The following CR2 variants were observed in gnomAD, a reference collection of about 807,000 sequenced individuals.
CR2 encodes the protein complement receptor type 2.
In CR2, 96 loss-of-function variants were observed where a neutral mutation model predicts 123.0. That is an observed-to-expected ratio of 0.78 (90% CI 0.66 to 0.93). CR2 has a LOEUF of 0.93. Ranked by LOEUF, CR2 falls within the 40% of genes least tolerant of loss-of-function variation. The probability of loss-of-function intolerance (pLI) is 0.00; values close to 1 mark genes in which losing one functional copy is unlikely to be tolerated. For synonymous variants in CR2, 484 were observed against 469.5 expected, an observed-to-expected ratio of 1.03 and a Z score of -0.40; for missense variants, 1,258 against 1,361.0, an observed-to-expected ratio of 0.92 and a Z score of 1.19.
At chr1:207,472,744 A>G (rs779357003) in intron 9 of CR2, 28 bp from the exon 10 acceptor site, 47 of 1,609,846 alleles carry the variant, frequency 2.9e-5, no homozygotes, top group South Asian at 1.3e-4. Flanking sequence ...CAGGAACTCA[A>G]TTCTACAGTA....
chr1:207,484,090 A>T (rs1658681326), intron 18 of CR2, among the ~76,000 whole-genome samples: 1 of 152,238 alleles, frequency 6.6e-6, no homozygotes, highest in Admixed American at 6.5e-5. Flanking sequence ...GGCATTAGAA[A>T]TGTAAATACA....
At chr1:207,459,999 C>A (rs1264145014) in intron 1 of CR2, among the ~76,000 whole-genome samples, 1 of 152,178 alleles carries the variant, frequency 6.6e-6, no homozygotes. Context: ...TCTGCTTTTG[C>A]TATTTCTGGA....
chr1:207,456,783 A>T (rs1254658441), intron 1 of CR2, among the ~76,000 whole-genome samples: 1 of 152,184 alleles, frequency 6.6e-6, no homozygotes. Flanking sequence ...GTCACATTAG[A>T]ATAAAACCCA....
chr1:207,474,999 G>A lies in CR2; in HGVS notation c.2499G>A (p.Gly833=). The part of the protein sequence containing the change: ...SDSKGHGSWS[G]PSPQCLRSPP... ...CTAAAGGACATGGATCTTGGAGCGGGCCTTCCCCACAGTGCTTACGATCTC... is the reference window on the plus strand; with the variant it reads ...CTAAAGGACATGGATCTTGGAGCGGACCTTCCCCACAGTGCTTACGATCTC... Residue 833 remains glycine, a synonymous_variant, in exon 14 of 20, where the codon GGG becomes GGA. Transcript: ENST00000367057. 1.9e-6 allele frequency: 3 copies of A among 1,614,118 alleles called. No homozygotes were observed. The highest frequency in any genetic ancestry group is 2.5e-6 in the Non-Finnish European group (3 of 1,179,982).
intron 6 of CR2, 68 bp from the exon 7 acceptor site, chr1:207,470,672 T>C: frequency 6.8e-7 from 1 of 1,478,960 alleles, no homozygotes; most frequent in Non-Finnish European, 9.4e-7. Flanking sequence ...TATCAATTTC[T>C]TTGGCTCAGT....
At chr1:207,471,540 A>T in intron 9 of CR2, 41 bp downstream of exon 9, 1 of 1,354,896 alleles carries the variant, frequency 7.4e-7, no homozygotes, top group Admixed American at 1.7e-5. Context: ...ATAATGTGAG[A>T]TCTATACATT....
intron 1 of CR2, among the ~76,000 whole-genome samples, chr1:207,455,149 T>C (rs920091198): frequency 2.6e-5 from 4 of 152,278 alleles, no homozygotes; most frequent in African/African-American, 7.2e-5. Flanking sequence ...TATATCTTTT[T>C]TTCCTCCAGA....
chr1:207,478,544 A>G (rs534469731), intron 16 of CR2, among the ~76,000 whole-genome samples: 120 of 145,956 alleles, frequency 8.2e-4, no homozygotes, highest in Non-Finnish European at 1.1e-3. Flanking sequence ...AAAAAAAAAA[A>G]AAAGAAAGAA....
chr1:207,474,648 C>A lies in CR2; in HGVS notation c.2324-176C>A, dbSNP rs3991865. Among the ~76,000 whole-genome samples the A allele has an allele frequency of 0.066, 9,979 of 152,104 alleles. 1,087 individuals are homozygous for A. The highest frequency in any genetic ancestry group is 0.22 in the African/African-American group (9,316 of 41,450). On this transcript the variant is annotated intron_variant, in intron 13 of 19. Coordinates refer to ENST00000367057, the MANE Select transcript of CR2 (RefSeq NM_001006658.3). The stretch of plus-strand genomic sequence containing the variant: ...AATTTTTATGGAGTATATAGTACTC[C>A]TATAATCACATTTAATAAAGCTGTT...
At chr1:207,471,400 G>T in intron 8 of CR2, 23 bp from the exon 9 acceptor site, 2 of 1,572,460 alleles carry the variant, frequency 1.3e-6, no homozygotes, top group South Asian at 2.2e-5. Context: ...ATGGCAAAAT[G>T]ACATACGTGA....
At chr1:207,485,632 A>G in intron 19 of CR2, 60 bp downstream of exon 19, 1 of 978,518 alleles carries the variant, frequency 1.0e-6, no homozygotes, top group Non-Finnish European at 1.6e-6. Flanking sequence ...ACTTGTATTT[A>G]TCAATAAGCG....
At position 207,468,805 on chromosome 1, in the gene CR2, C is replaced by T. The variant is rs201760344; in HGVS notation, c.640C>T (p.Arg214Cys). Reference protein sequence around the residue: ...SAVPPTCEEARCKSLGRFPNG... With the variant: ...SAVPPTCEEACCKSLGRFPNG... The stretch of plus-strand genomic sequence containing the variant: ...ATCTTTGGTTTGTTTTTTAGAGGCA[C>T]GCTGTAAATCTCTAGGACGATTTCC... The change falls in exon 4 of 20, where the codon CGC becomes TGC. Residue 214 changes from arginine (R) to cysteine (C), a missense_variant. Transcript: ENST00000367057. The T allele has an allele frequency of 1.1e-4, 175 of 1,613,896 alleles. 2 individuals carry two copies. Among genetic ancestry groups the T allele is most frequent in the East Asian group, 1.0e-3 (46 of 44,884 alleles).
intron 15 of CR2, among the ~76,000 whole-genome samples, chr1:207,477,306 A>C (rs1658469364): frequency 1.3e-5 from 2 of 152,122 alleles, no homozygotes; most frequent in Admixed American, 6.5e-5. Context: ...AAACCATCAG[A>C]TCTCATGAGA....
At chr1:207,487,049 A>G (rs1019626911) in intron 19 of CR2, among the ~76,000 whole-genome samples, 4 of 152,216 alleles carry the variant, frequency 2.6e-5, no homozygotes, top group Admixed American at 1.3e-4. Flanking sequence ...GAAAGAGGCT[A>G]GCAAAAAGAA....
rs1335162259 is a variant in CR2, at chr1:207,489,272, T to C, written c.*149T>C. 6.6e-6 allele frequency: 1 copy of C among 152,228 alleles called. No homozygotes were observed. The highest frequency in any genetic ancestry group is 1.5e-5 in the Non-Finnish European group (1 of 68,038). The allele number at this position is 152,228 out of a possible 1,614,324, so 9.4% of individuals were successfully genotyped here. A position where few individuals can be genotyped will look rare whatever the true frequency, so the allele number is the denominator to read the frequency against. ...AGCGATCACTTCCTATATGCACTTA[T>C]TCTCAAGAAGAACATCTTTATGGTA... is the stretch of plus-strand genomic sequence containing the variant. On this transcript the variant is annotated 3_prime_UTR_variant, in exon 20 of 20. Coordinates refer to ENST00000367057, the MANE Select transcript of CR2 (RefSeq NM_001006658.3).
intron 2 of CR2, 31 bp from the exon 3 acceptor site, chr1:207,468,496 G>C: frequency 6.2e-7 from 1 of 1,611,458 alleles, no homozygotes; most frequent in Non-Finnish European, 8.5e-7. Context: ...ATCATCTGAC[G>C]GCTTTTTTTT....
At chr1:207,482,270 C>T (rs1185208874) in intron 18 of CR2, among the ~76,000 whole-genome samples, 1 of 152,054 alleles carries the variant, frequency 6.6e-6, no homozygotes, top group Non-Finnish European at 1.5e-5. Flanking sequence ...AGTAAATATG[C>T]TTGTTGTAGC....
chr1:207,474,337 A>C lies in CR2; in HGVS notation c.2323+14A>C. The C allele has an allele frequency of 6.3e-7, 1 of 1,576,730 alleles. No individual in the cohort carries two copies. Among genetic ancestry groups the C allele is most frequent in the East Asian group, 2.2e-5 (1 of 44,698 alleles). On this transcript the variant is annotated intron_variant, in intron 13 of 19. Coordinates refer to ENST00000367057, the MANE Select transcript of CR2 (RefSeq NM_001006658.3). Reference sequence around the variant, plus strand: ...CACTTTGTAAAGGTAAGTTAGAAAAAATAAAAGCCTGACAATGGTAATGGA... The same window carrying C: ...CACTTTGTAAAGGTAAGTTAGAAAACATAAAAGCCTGACAATGGTAATGGA...
At chr1:207,480,546 G>C (rs767350474) in intron 18 of CR2, among the ~76,000 whole-genome samples, 1 of 151,950 alleles carries the variant, frequency 6.6e-6, no homozygotes, top group Non-Finnish European at 1.5e-5. Context: ...AATTTACTTT[G>C]ATAATATATA....
Sources: gnomAD v4.1 joint callset for allele counts (sites outside exome capture counted in the v4.1 genomes callset) on GRCh38, gnomAD v4.1.1 for gene constraint, MANE v1.5 for transcripts, NCBI Gene and HGNC (gene_info 2026-07-23, HGNC 2026-07-21) for gene names.